PCDHA1: variants seen among roughly 807,000 people sequenced by gnomAD.
The protein encoded by PCDHA1 is protocadherin alpha 1.
Under a neutral mutation model 61.3 loss-of-function variants are expected in PCDHA1, and 42 were observed. The ratio of observed to expected loss-of-function variants is 0.69; its 90% confidence interval spans 0.54 to 0.89. PCDHA1 has a LOEUF of 0.89. Ranked by LOEUF, PCDHA1 falls within the 40% of genes least tolerant of loss-of-function variation. The pLI is 0.00. For missense variants in PCDHA1, 1,256 were observed against 1,235.3 expected, an observed-to-expected ratio of 1.02 and a Z score of -0.25; for synonymous variants, 610 against 553.8, an observed-to-expected ratio of 1.10 and a Z score of -1.43.
rs1466971352 is a variant in PCDHA1, at chr5:140,794,871, A to T, written c.2394+6187A>T. ...TTTGTTACTTCAGAGAAGCGGAGGA[A>T]TAAGAGAAGCAGCAGGACTTTAACA... On this transcript the variant is annotated intron_variant, in intron 1 of 3. Coordinates refer to ENST00000504120, the MANE Select transcript of PCDHA1 (RefSeq NM_018900.4). 2.3e-6 allele frequency: 3 copies of T among 1,324,602 alleles called. No homozygotes were observed. In the African/African-American group the frequency reaches 4.4e-5, roughly 19 times the overall value. The allele number at this position is 1,324,602 out of a possible 1,614,324, so 82.1% of individuals were successfully genotyped here.
At chr5:140,891,432 C>T (rs183679) in intron 1 of PCDHA1, among the ~76,000 whole-genome samples, 69,006 of 149,136 alleles carry the variant, frequency 0.46, 16,159 homozygotes, top group South Asian at 0.58. Context: ...AAGTCCCCAA[C>T]GTCCATTGTA....
chr5:140,793,006 A>G (rs982422499), intron 1 of PCDHA1, among the ~76,000 whole-genome samples: 2 of 152,216 alleles, frequency 1.3e-5, no homozygotes, highest in African/African-American at 4.8e-5. Context: ...GAGCAAGTGG[A>G]CCCATGTCTA....
At chr5:140,836,418 T>C in intron 1 of PCDHA1, 3 of 1,613,726 alleles carry the variant, frequency 1.9e-6, no homozygotes. Context: ...ACCAAAGGCG[T>C]CGTCGCGGGC....
intron 1 of PCDHA1, among the ~76,000 whole-genome samples, chr5:140,954,197 G>T (rs2153701837): frequency 6.6e-6 from 1 of 152,270 alleles, no homozygotes; most frequent in Non-Finnish European, 1.5e-5. Context: ...ATGGGCATTT[G>T]GGTTGATCCC....
chr5:140,911,052 G>T (rs1172408042), intron 1 of PCDHA1, among the ~76,000 whole-genome samples: 1 of 152,044 alleles, frequency 6.6e-6, no homozygotes, highest in Non-Finnish European at 1.5e-5. Context: ...AGGGGTGGTG[G>T]GGGGTGGGTC....
intron 1 of PCDHA1, chr5:140,809,346 C>A: frequency 6.2e-7 from 1 of 1,614,048 alleles, no homozygotes; most frequent in South Asian, 1.1e-5. Context: ...CTGTACACCG[C>A]GCTGCGGTGC....
In PCDHA1 at chr5:140,787,763, C is replaced by G. The variant is rs781913919; in HGVS notation, c.1473C>G (p.Ser491=). The change falls in exon 1 of 4, where the codon TCC becomes TCG. Residue 491 remains serine, a synonymous_variant. Transcript: ENST00000504120. The part of the protein sequence containing the change: ...DADAQENALV[S]YSLVERRVGE... ...ACGCGCAGGAGAACGCGCTGGTGTCCTATTCGCTGGTGGAACGGCGGGTGG... is the reference window on the plus strand; with the variant it reads ...ACGCGCAGGAGAACGCGCTGGTGTCGTATTCGCTGGTGGAACGGCGGGTGG... The G allele has an allele frequency of 6.2e-7, 1 of 1,613,222 alleles. No individual in the cohort carries two copies. The highest frequency in any genetic ancestry group is 8.5e-7 in the Non-Finnish European group (1 of 1,179,844).
chr5:140,800,635 A>G (rs1204850422), intron 1 of PCDHA1, among the ~76,000 whole-genome samples: 1 of 152,184 alleles, frequency 6.6e-6, no homozygotes, highest in African/African-American at 2.4e-5. Flanking sequence ...AAGAGATAAT[A>G]TCGTTTTACT....
At chr5:140,839,335 G>T (rs923438912) in intron 1 of PCDHA1, among the ~76,000 whole-genome samples, 4 of 151,494 alleles carry the variant, frequency 2.6e-5, no homozygotes, top group Non-Finnish European at 4.4e-5. Flanking sequence ...ACCTGAAGTT[G>T]ATAGGGGATC....
Position 140,808,806 on chromosome 5 carries a change from C to G in PCDHA1, c.2394+20122C>G, listed in dbSNP as rs1554124813. On this transcript the variant is annotated intron_variant, in intron 1 of 3. Coordinates refer to ENST00000504120, the MANE Select transcript of PCDHA1 (RefSeq NM_018900.4). ...CAGTTTCAGGTGACCGCTCGCGATG[C>G]CGGCGTGCCACCTCTGGGCAGCAAC... 6.2e-6 allele frequency: 10 copies of G among 1,612,650 alleles called. 2 individuals carry two copies. The South Asian group carries it at 9.9e-5, about 16-fold the overall frequency.
chr5:141,010,073 T>C lies in PCDHA1; in HGVS notation c.*136T>C. On this transcript the variant is annotated 3_prime_UTR_variant, in exon 4 of 4. Coordinates refer to ENST00000504120, the MANE Select transcript of PCDHA1 (RefSeq NM_018900.4). ...CCTCAGAAATCTGCAGAAAGTTCCC[T>C]GTGTCTGTCTAGAACGCATTTAACA... 6.2e-7 allele frequency: 1 copy of C among 1,606,602 alleles called. No individual in the cohort carries two copies. The highest frequency in any genetic ancestry group is 1.7e-5 in the Admixed American group (1 of 59,096).
chr5:140,824,610 G>GTTGTTTTTTT (rs1768193318), intron 1 of PCDHA1: 1 of 95,112 alleles, frequency 1.1e-5, no homozygotes, highest in African/African-American at 4.9e-5. Flanking sequence ...GCTAATTAAA[G>GTTGTTTTTTT]TTTTTTTTTT....
chr5:140,969,529 T>C, intron 1 of PCDHA1: 1 of 1,377,800 alleles, frequency 7.3e-7, no homozygotes, highest in Non-Finnish European at 9.7e-7. Flanking sequence ...GTTTTATTTT[T>C]CATTTTCAGA....
intron 1 of PCDHA1, chr5:140,808,858 C>A: frequency 6.2e-7 from 1 of 1,613,088 alleles, no homozygotes; most frequent in Non-Finnish European, 8.5e-7. Flanking sequence ...TCGTGCTGGA[C>A]GAAAACGACA....
intron 1 of PCDHA1, chr5:140,834,377 A>C (rs1445346495): frequency 1.3e-6 from 2 of 1,562,428 alleles, no homozygotes; most frequent in Admixed American, 2.0e-5. Flanking sequence ...CAAGCCAATA[A>C]TTTGAAATGG....
At chr5:140,871,729 G>A in intron 1 of PCDHA1, 1 of 714,516 alleles carries the variant, frequency 1.4e-6, no homozygotes, top group Non-Finnish European at 2.2e-6. Flanking sequence ...TTAATATTTG[G>A]TTAGCAAATC....
At chr5:140,966,707 A>T in intron 1 of PCDHA1, 2 of 1,379,868 alleles carry the variant, frequency 1.4e-6, no homozygotes, top group Non-Finnish European at 9.3e-7. Flanking sequence ...GGCGTGGGGC[A>T]CGGCTGGGGA....
In PCDHA1 at chr5:140,877,673, C is replaced by T. The variant is rs1187719075; in HGVS notation, c.2394+88989C>T. The T allele has an allele frequency of 2.5e-5, 40 of 1,613,532 alleles. No individual in the cohort carries two copies. In the East Asian group the frequency reaches 8.0e-4, roughly 32 times the overall value. Reference sequence around the variant, plus strand: ...CCGCCCACCGTGAGCCGGTGCGCGCCGGGCAAGCCCACGCTGGTGTGCTCC... The same window carrying T: ...CCGCCCACCGTGAGCCGGTGCGCGCTGGGCAAGCCCACGCTGGTGTGCTCC... On this transcript the variant is annotated intron_variant, in intron 1 of 3. Transcript: ENST00000504120.
intron 1 of PCDHA1, chr5:140,803,379 A>G (rs1554122766): frequency 2.5e-6 from 4 of 1,614,190 alleles, no homozygotes; most frequent in East Asian, 4.5e-5. Context: ...CGCGCCGCCA[A>G]CCGAAGGCGA....
Sources: gnomAD v4.1 joint callset for allele counts (sites outside exome capture counted in the v4.1 genomes callset) on GRCh38, gnomAD v4.1.1 for gene constraint, MANE v1.5 for transcripts, NCBI Gene and HGNC (gene_info 2026-07-23, HGNC 2026-07-21) for gene names.